Variants in SERPINA12 observed in about 807,000 individuals in gnomAD.
SERPINA12 encodes the protein serpin family A member 12, also known as serpin A12.
A neutral mutation model predicts 25.9 loss-of-function variants in SERPINA12; 21 were observed. That is an observed-to-expected ratio of 0.81 (90% confidence interval 0.58 to 1.17). The LOEUF is 1.17. Among genes scored for constraint, SERPINA12 ranks in the 50% most tolerant of loss-of-function variants. The pLI is 0.00. For synonymous variants in SERPINA12, 220 were observed against 196.0 expected (o/e 1.12, Z -1.02); for missense variants, 562 against 508.3 (o/e 1.11, Z -1.02).
chr14:94,495,713 A>T (rs1428408304), intron 3 of SERPINA12, among the ~76,000 whole-genome samples: 3 of 152,142 alleles, frequency 2.0e-5, no homozygotes, highest in Non-Finnish European at 4.4e-5. Context: ...TGCTCTGGCT[A>T]CTAGAGGCCA....
At chr14:94,490,746 G>A (rs1008472469) in intron 3 of SERPINA12, among the ~76,000 whole-genome samples, 1 of 151,962 alleles carries the variant, frequency 6.6e-6, no homozygotes, top group East Asian at 1.9e-4. Flanking sequence ...ACTTTTTATG[G>A]AAGCAACTCT....
At chr14:94,492,374 TG>T (rs1900212709) in intron 3 of SERPINA12, among the ~76,000 whole-genome samples, 1 of 152,104 alleles carries the variant, frequency 6.6e-6, no homozygotes, top group South Asian at 2.1e-4. Context: ...GCTTTTATGT[TG>T]GGAAAAATAA....
At chr14:94,492,070 A>C (rs1410694481) in intron 3 of SERPINA12, among the ~76,000 whole-genome samples, 2 of 152,040 alleles carry the variant, frequency 1.3e-5, no homozygotes, top group African/African-American at 4.8e-5. Flanking sequence ...GTGGGAGGTG[A>C]TGTGAGAGTG....
chr14:94,510,121 G>A, upstream of SERPINA12: 2 of 985,440 alleles, frequency 2.0e-6, no homozygotes, highest in Non-Finnish European at 2.4e-6. Context: ...CTGGTGGCTG[G>A]AGAAGCCATC....
At chr14:94,494,962 G>C (rs1162696573) in intron 3 of SERPINA12, among the ~76,000 whole-genome samples, 1 of 151,956 alleles carries the variant, frequency 6.6e-6, no homozygotes, top group African/African-American at 2.4e-5. Flanking sequence ...AGACTATGCA[G>C]ATCTCAAGGG....
intron 1 of SERPINA12, among the ~76,000 whole-genome samples, chr14:94,500,485 C>T (rs1900669638): frequency 6.6e-6 from 1 of 152,192 alleles, no homozygotes; most frequent in Non-Finnish European, 1.5e-5. Context: ...CTGGTTGGTT[C>T]AGGAGCCAGA....
upstream of SERPINA12, chr14:94,510,366 A>G (rs1397752317): frequency 1.7e-6 from 1 of 578,572 alleles, no homozygotes; most frequent in Admixed American, 6.3e-5. Context: ...ATTACTAACC[A>G]TCAGGGAAAT....
chr14:94,503,415 G>A, intron 1 of SERPINA12: 1 of 593,324 alleles, frequency 1.7e-6, no homozygotes, highest in Non-Finnish European at 2.1e-6. Flanking sequence ...GGGCACTAGA[G>A]CAATGCCCAG....
At chr14:94,487,908 G>A (rs570014444) in intron 4 of SERPINA12, among the ~76,000 whole-genome samples, 7 of 152,312 alleles carry the variant, frequency 4.6e-5, no homozygotes, top group African/African-American at 1.7e-4. Context: ...GGTTAAGAGG[G>A]AGAAGGATTC....
At chr14:94,501,106 A>T in intron 1 of SERPINA12, 7 of 985,258 alleles carry the variant, frequency 7.1e-6, no homozygotes, top group Non-Finnish European at 7.2e-6. Context: ...GAAATTAGTA[A>T]AATTCCCAAG....
chr14:94,500,517 G>A (rs77381131), intron 1 of SERPINA12, among the ~76,000 whole-genome samples: 1 of 152,156 alleles, frequency 6.6e-6, no homozygotes, highest in African/African-American at 2.4e-5. Flanking sequence ...CAGTGCAGGC[G>A]GGAATTTCTG....
At chr14:94,517,479 G>A (rs1901264786) in exon 1 of SERPINA12, 1 of 152,254 alleles carries the variant, frequency 6.6e-6, no homozygotes, top group African/African-American at 2.4e-5. Flanking sequence ...ATGAGTCAGA[G>A]GGAGTGATAC....
At chr14:94,510,731 G>A (rs751318915), upstream of SERPINA12, among the ~76,000 whole-genome samples, 4 of 151,978 alleles carry the variant, frequency 2.6e-5, no homozygotes, top group Non-Finnish European at 4.4e-5. Context: ...AAGAAAATGT[G>A]GTATATACAC....
At chr14:94,504,615 G>A (rs1900867766) in intron 1 of SERPINA12, among the ~76,000 whole-genome samples, 2 of 152,176 alleles carry the variant, frequency 1.3e-5, no homozygotes, top group African/African-American at 4.8e-5. Context: ...AGTCCTTTGG[G>A]GAAAAAGTTC....
At chr14:94,507,178 C>A (rs1346999610) in intron 1 of SERPINA12, among the ~76,000 whole-genome samples, 2 of 152,150 alleles carry the variant, frequency 1.3e-5, no homozygotes, top group Non-Finnish European at 2.9e-5. Flanking sequence ...AAGTCACAGA[C>A]CTAAATGTGA....
intron 1 of SERPINA12, among the ~76,000 whole-genome samples, chr14:94,500,313 C>T (rs546858628): frequency 3.9e-5 from 6 of 152,318 alleles, no homozygotes; most frequent in African/African-American, 1.4e-4. Context: ...CCCCTCCTCG[C>T]CTTCTTCTCC....
At chr14:94,509,589 C>T (rs1901056098), upstream of SERPINA12, among the ~76,000 whole-genome samples, 1 of 152,190 alleles carries the variant, frequency 6.6e-6, no homozygotes, top group South Asian at 2.1e-4. Flanking sequence ...CCAACTGGCC[C>T]TGCCAAGTGT....
At chr14:94,513,761 G>T (rs1447357013), upstream of SERPINA12, among the ~76,000 whole-genome samples, 1 of 152,150 alleles carries the variant, frequency 6.6e-6, no homozygotes, top group Non-Finnish European at 1.5e-5. Context: ...TGAAATCTGC[G>T]GTGTTGGGAT....
chr14:94,489,467 C>A (rs943420940), intron 4 of SERPINA12, among the ~76,000 whole-genome samples, 153 bp downstream of exon 4: 12 of 152,128 alleles, frequency 7.9e-5, no homozygotes, highest in African/African-American at 2.9e-4. Flanking sequence ...TGCCCAGGAT[C>A]ACGGGGTTGG....
Sources: allele counts gnomAD v4.1 joint callset (sites outside exome capture counted in the v4.1 genomes callset), GRCh38; gene constraint gnomAD v4.1.1; transcripts MANE v1.5; gene names NCBI Gene and HGNC (gene_info 2026-07-23, HGNC 2026-07-21).